CTCFL: variants seen among roughly 807,000 people sequenced by gnomAD.
CTCFL encodes the protein CCCTC-binding factor like, also known as transcriptional repressor CTCFL.
CTCFL carries 36 observed loss-of-function variants against 67.4 expected under a neutral mutation model. The ratio of observed to expected loss-of-function variants is 0.53; its 90% CI spans 0.41 to 0.71. CTCFL has a LOEUF of 0.71. Ranked by LOEUF, CTCFL falls within the 30% of genes least tolerant of loss-of-function variation. The pLI is 0.00. For missense variants in CTCFL, 786 were observed against 835.2 expected, an observed-to-expected ratio of 0.94 and a Z score of 0.73; for synonymous variants, 324 against 302.3, an observed-to-expected ratio of 1.07 and a Z score of -0.75.
In CTCFL at chr20:57,523,884, C is replaced by A. The variant is rs768492574; in HGVS notation, c.322G>T (p.Val108Leu). 6.2e-6 allele frequency: 10 copies of A among 1,613,074 alleles called. No homozygotes were observed. Among genetic ancestry groups the A allele is most frequent in the Non-Finnish European group, 8.5e-6 (10 of 1,180,030 alleles). ...CCAGGCTGTTGCACCACCACCTGCA[C>A]CCCTTCTTGCTGCTGTATGCTCAGC... ...SLLSIQQQEG[V>L]QVVVQQPGPG... The change falls in exon 2 of 11, where the codon GTG becomes TTG. Residue 108 changes from valine to leucine, a missense_variant. Physicochemically the swap from Val to Leu is conservative, Grantham distance 32. Around this residue, in one of 3 missense-constraint regions of CTCFL, gnomAD observed 333 missense variants for 304.6 expected, o/e 1.09. Transcript: ENST00000243914.
intron 7 of CTCFL, chr20:57,513,975 T>C (rs1343758702): frequency 9.5e-7 from 1 of 1,050,280 alleles, no homozygotes; most frequent in Non-Finnish European, 1.3e-6. Flanking sequence ...TCCCAGCTCC[T>C]AGGCCTGCTG....
At chr20:57,518,226 T>C (rs1600673181) in intron 5 of CTCFL, among the ~76,000 whole-genome samples, 1 of 152,236 alleles carries the variant, frequency 6.6e-6, no homozygotes, top group African/African-American at 2.4e-5. Flanking sequence ...TTCACGTGAG[T>C]ACCGCCAAAC....
rs2068019619 is a variant in CTCFL at position 57,503,438 on chromosome 20, T to C, written c.1838A>G (p.Asp613Gly). Reference sequence around the variant, plus strand: ...ACAAATCTGCGTAAAATCAGTACCGTCTCCGTTCGCGGCTTCCTTCCATCC... The same window carrying C: ...ACAAATCTGCGTAAAATCAGTACCGCCTCCGTTCGCGGCTTCCTTCCATCC... ...AKGWKEAANGDEAAAEEASTT... is the reference protein window; with the variant it reads ...AKGWKEAANGGEAAAEEASTT... Residue 613 changes from aspartate (D) to glycine (G), a missense_variant and splice_region_variant, in exon 10 of 11, where the codon GAC (aspartate) becomes GGC (glycine). Physicochemically the swap from Asp to Gly is moderately conservative, Grantham distance 94. Around this residue, in one of 3 missense-constraint regions of CTCFL, gnomAD observed 199 missense variants for 196.7 expected, o/e 1.01. Transcript: ENST00000243914. 22 of 1,613,964 alleles carry C rather than the reference T, an allele frequency of 1.4e-5. No homozygotes were observed. The highest frequency in any genetic ancestry group is 5.3e-5 in the African/African-American group (4 of 74,900).
intron 7 of CTCFL, 44 bp from the exon 8 acceptor site, chr20:57,512,796 T>C: frequency 1.3e-6 from 2 of 1,584,322 alleles, no homozygotes; most frequent in South Asian, 1.1e-5. Flanking sequence ...AGTGTTGTTT[T>C]CTGTTAGCCT....
chr20:57,512,917 G>A (rs41308723), intron 7 of CTCFL, among the ~76,000 whole-genome samples, 165 bp from the exon 8 acceptor site: 1 of 152,308 alleles, frequency 6.6e-6, no homozygotes, highest in Non-Finnish European at 1.5e-5. Context: ...ATGTTAAGCA[G>A]CATTCCTGGT....
chr20:57,515,384 A>T, intron 6 of CTCFL: 4 of 294,916 alleles, frequency 1.4e-5, no homozygotes, highest in South Asian at 1.3e-4. Context: ...GACTCAAGGG[A>T]TCCTCCTGCC....
chr20:57,524,435 A>C, intron 1 of CTCFL: 1 of 1,381,018 alleles, frequency 7.2e-7, no homozygotes, highest in East Asian at 2.8e-5. Flanking sequence ...ATTTTGTACA[A>C]AACCCTAGAA....
chr20:57,525,237 CAGGGGGGA>C (rs1315105328), upstream of CTCFL: 1 of 81,486 alleles, frequency 1.2e-5, no homozygotes, highest in Non-Finnish European at 2.4e-5. Flanking sequence ...ACTGTGGGGG[CAGGGGGGA>C]AGGGGAGTAG....
chr20:57,523,397 G>A (rs1420236858), intron 2 of CTCFL, 119 bp from the exon 3 acceptor site: 5 of 1,058,934 alleles, frequency 4.7e-6, no homozygotes, highest in Non-Finnish European at 5.4e-6. Flanking sequence ...GCATCACAAT[G>A]TTAATTATTT....
chr20:57,522,745 C>A (rs2069477664), intron 3 of CTCFL, among the ~76,000 whole-genome samples: 1 of 152,182 alleles, frequency 6.6e-6, no homozygotes, highest in Non-Finnish European at 1.5e-5. Flanking sequence ...GAGGCCTCAC[C>A]ACCTGTCCTG....
Position 57,497,457 on chromosome 20 carries a change from T to C in CTCFL, c.*1093A>G, listed in dbSNP as rs1003279502. ...AGAATTTGAATTTAGGGCTTATCAA[T>C]GATCTTGAAATACAGGGGTGGAGAC... On this transcript the variant is annotated 3_prime_UTR_variant, in exon 11 of 11. Transcript: ENST00000243914. The C allele has an allele frequency of 3.0e-6, 3 of 985,316 alleles. No individual in the cohort carries two copies. The African/African-American group carries it at 5.2e-5, about 17-fold the overall frequency. 61.0% of individuals were successfully genotyped at this position (985,316 alleles called of 1,614,324 possible). A position where few individuals can be genotyped will look rare whatever the true frequency, so the allele number is the denominator to read the frequency against.
At chr20:57,517,266 C>G (rs567792234) in intron 5 of CTCFL, among the ~76,000 whole-genome samples, 2 of 146,688 alleles carry the variant, frequency 1.4e-5, no homozygotes, top group Admixed American at 6.8e-5. Context: ...GATGGGAGGA[C>G]AATGGGAGTT....
Position 57,514,404 on chromosome 20 carries a change from T to C in CTCFL, c.1330+188A>G, listed in dbSNP as rs139982398. ...GGGCCCGGATTCTAAAAACATGCTA[T>C]AAAATGCACTTATGAGATGCAGCCA... On this transcript the variant is annotated intron_variant, in intron 7 of 10. Transcript: ENST00000243914. Among the ~76,000 whole-genome samples the C allele has an allele frequency of 6.8e-3, 1,029 of 152,270 alleles. 4 individuals carry two copies. Among genetic ancestry groups the C allele is most frequent in the Middle Eastern group, 0.027 (8 of 294 alleles).
At chr20:57,507,762 C>T (rs1165550646) in intron 9 of CTCFL, 2 of 703,040 alleles carry the variant, frequency 2.8e-6, no homozygotes, top group Admixed American at 4.0e-5. Context: ...CCACCCAGTT[C>T]AGCCACTTCC....
intron 3 of CTCFL, among the ~76,000 whole-genome samples, chr20:57,520,590 G>T (rs1257870251): frequency 1.3e-5 from 2 of 152,128 alleles, no homozygotes; most frequent in East Asian, 3.8e-4. Flanking sequence ...ACTTATTCCG[G>T]TTCCATTCTC....
chr20:57,511,058 T>C (rs866765164), intron 8 of CTCFL, among the ~76,000 whole-genome samples: 4 of 152,172 alleles, frequency 2.6e-5, no homozygotes, highest in Middle Eastern at 3.4e-3. Context: ...TAGTAATTTC[T>C]TTTTTTAGGG....
At chr20:57,522,744 C>A (rs906588787) in intron 3 of CTCFL, among the ~76,000 whole-genome samples, 2 of 152,158 alleles carry the variant, frequency 1.3e-5, no homozygotes, top group Non-Finnish European at 2.9e-5. Flanking sequence ...CGAGGCCTCA[C>A]CACCTGTCCT....
chr20:57,523,228 C>G lies in CTCFL; in HGVS notation c.594G>C (p.Glu198Asp), dbSNP rs758384575. 3.7e-6 allele frequency: 6 copies of G among 1,613,872 alleles called. No individual in the cohort carries two copies. In the South Asian group the frequency reaches 6.6e-5, roughly 18 times the overall value. ...KNQLLAERTK[E>D]QLFFVETMSG... ...ACATTGTTTCCACAAAAAAGAGCTG[C>G]TCCTTTGTTCTTTCAGCCAATAACT... The change falls in exon 3 of 11, where the codon GAG becomes GAC. Residue 198 changes from glutamate to aspartate, a missense_variant. Physicochemically the swap from Glu to Asp is conservative, Grantham distance 45. Transcript: ENST00000243914.
intron 9 of CTCFL, among the ~76,000 whole-genome samples, chr20:57,505,710 G>A (rs374577510): frequency 6.6e-6 from 1 of 152,118 alleles, no homozygotes; most frequent in African/African-American, 2.4e-5. Flanking sequence ...ACTGAGCAGA[G>A]GTCATGGGTG....
Sources: allele counts gnomAD v4.1 joint callset (sites outside exome capture counted in the v4.1 genomes callset), GRCh38; gene constraint gnomAD v4.1.1; regional missense constraint gnomAD v4.1.1; transcripts MANE v1.5; gene names NCBI Gene and HGNC (gene_info 2026-07-23, HGNC 2026-07-21).